The following SLC7A14 variants were observed in gnomAD, a reference collection of about 807,000 sequenced individuals.
The protein encoded by SLC7A14 is solute carrier family 7 member 14.
In SLC7A14, 37 loss-of-function variants were observed where a neutral mutation model predicts 60.2. The ratio of observed to expected loss-of-function variants is 0.61; its 90% CI spans 0.47 to 0.81. The LOEUF (loss-of-function observed/expected upper bound fraction) is 0.81, where lower values mean the gene tolerates loss of function less well. Among genes scored for constraint, SLC7A14 ranks in the 30% least tolerant of loss-of-function variants. SLC7A14 has a pLI of 0.00. For missense variants in SLC7A14, 886 were observed against 982.7 expected (o/e 0.90, Z 1.32); for synonymous variants, 399 against 395.8 (o/e 1.01, Z -0.10).
At chr3:170,528,270 C>A (rs1713570078) in intron 1 of SLC7A14, among the ~76,000 whole-genome samples, 1 of 152,166 alleles carries the variant, frequency 6.6e-6, no homozygotes, top group Admixed American at 6.5e-5. Context: ...GAATTAAGAA[C>A]TACAGTGTTA....
chr3:170,471,090 GGTGTGTGTGT>G (rs113891859), intron 7 of SLC7A14, among the ~76,000 whole-genome samples: 3 of 146,450 alleles, frequency 2.0e-5, no homozygotes, highest in Non-Finnish European at 3.0e-5. Context: ...TCTGGGAAGG[GGTGTGTGTGT>G]GTGTGTGTGT....
chr3:170,555,061 G>A (rs914026556), intron 1 of SLC7A14, among the ~76,000 whole-genome samples: 3 of 151,844 alleles, frequency 2.0e-5, no homozygotes, highest in South Asian at 2.1e-4. Flanking sequence ...CCAGTTACTC[G>A]GGAGGCTCAG....
chr3:170,537,870 G>GTTATCTGCATATAAGA (rs1427584282), intron 1 of SLC7A14, among the ~76,000 whole-genome samples: 15 of 152,174 alleles, frequency 9.9e-5, no homozygotes, highest in Non-Finnish European at 1.8e-4. Flanking sequence ...TGCATATAAT[G>GTTATCTGCATATAAGA]TTATCCCAGG....
chr3:170,517,660 G>A (rs183872525), intron 2 of SLC7A14, among the ~76,000 whole-genome samples: 2 of 152,290 alleles, frequency 1.3e-5, no homozygotes, highest in East Asian at 3.9e-4. Context: ...GGGAGCCTAT[G>A]TTTGAGCTTT....
chr3:170,542,798 T>C (rs1714060779), intron 1 of SLC7A14, among the ~76,000 whole-genome samples: 1 of 152,192 alleles, frequency 6.6e-6, no homozygotes, highest in East Asian at 1.9e-4. Context: ...CGGAAGGACA[T>C]GTCCTTTAGA....
Position 170,480,904 on chromosome 3 carries a change from C to T in SLC7A14, c.1378G>A (p.Glu460Lys). ...CTCACAGGAGAACAAGCTTCCTTCT[C>T]ACAGTCAGCCAGAATGCCCTCCTTC... Reference protein sequence around the residue: ...KKKEGILADCEKEACSPVSEG... With the variant: ...KKKEGILADCKKEACSPVSEG... The change falls in exon 7 of 8, where the codon GAG becomes AAG. Residue 460 changes from glutamate to lysine, a missense_variant. Coordinates refer to ENST00000231706, the MANE Select transcript of SLC7A14 (RefSeq NM_020949.3). 6.2e-7 allele frequency: 1 copy of T among 1,614,062 alleles called. No homozygotes were observed. Among genetic ancestry groups the T allele is most frequent in the Non-Finnish European group, 8.5e-7 (1 of 1,180,028 alleles).
chr3:170,537,324 C>A (rs1045040353), intron 1 of SLC7A14, among the ~76,000 whole-genome samples: 6 of 152,156 alleles, frequency 3.9e-5, no homozygotes, highest in Non-Finnish European at 7.3e-5. Context: ...TCTCTGATCC[C>A]CTGCTCCCCT....
chr3:170,491,471 G>A (rs1038041082), intron 4 of SLC7A14, among the ~76,000 whole-genome samples: 3 of 152,302 alleles, frequency 2.0e-5, no homozygotes, highest in East Asian at 3.9e-4. Flanking sequence ...TATTAATAAC[G>A]CAGATGATTC....
At chr3:170,514,157 C>T (rs560981319) in intron 2 of SLC7A14, among the ~76,000 whole-genome samples, 1 of 152,236 alleles carries the variant, frequency 6.6e-6, no homozygotes, top group Non-Finnish European at 1.5e-5. Flanking sequence ...TGTCTGCAGC[C>T]TCTGTGAACT....
intron 1 of SLC7A14, among the ~76,000 whole-genome samples, chr3:170,538,900 T>C (rs566803889): frequency 9.9e-5 from 15 of 152,214 alleles, no homozygotes; most frequent in South Asian, 2.1e-4. Flanking sequence ...CCATGTTCCT[T>C]TGGGACTCAG....
intron 1 of SLC7A14, among the ~76,000 whole-genome samples, chr3:170,544,298 G>A (rs974359896): frequency 3.3e-5 from 5 of 151,558 alleles, no homozygotes; most frequent in Admixed American, 1.3e-4. Flanking sequence ...CTGAACTCTG[G>A]GTGTCACTCT....
chr3:170,565,184 AG>A (rs1242810403), intron 1 of SLC7A14, among the ~76,000 whole-genome samples: 2 of 152,090 alleles, frequency 1.3e-5, no homozygotes, highest in Non-Finnish European at 2.9e-5. Context: ...CTGGCCTGGC[AG>A]GGGTGGGGTA....
At chr3:170,563,419 T>G (rs879415096) in intron 1 of SLC7A14, among the ~76,000 whole-genome samples, 2 of 54,030 alleles carry the variant, frequency 3.7e-5, no homozygotes, top group South Asian at 4.6e-4. Flanking sequence ...GTTTGTTTGT[T>G]TTTTTTTTTT....
Position 170,501,218 on chromosome 3 carries a change from C to A in SLC7A14, c.432G>T (p.Leu144=). The part of the protein sequence containing the change: ...FIGWNLILEY[L]IGTAAGASAL... ...CACTGGCTCCGGCCGCAGTGCCAAT[C>A]AGGTACTCCAGGATCAGGTTCCAGC... Residue 144 remains leucine (L), a synonymous_variant, in exon 3 of 8, where the codon CTG becomes CTT. Transcript: ENST00000231706. 6.2e-7 allele frequency: 1 copy of A among 1,614,202 alleles called. No individual in the cohort carries two copies. The highest frequency in any genetic ancestry group is 8.5e-7 in the Non-Finnish European group (1 of 1,180,044).
At chr3:170,583,022 A>C (rs1478237628) in intron 1 of SLC7A14, among the ~76,000 whole-genome samples, 1 of 152,226 alleles carries the variant, frequency 6.6e-6, no homozygotes, top group Admixed American at 6.5e-5. Context: ...AGTGCCTCAC[A>C]TATGATAAGC....
intron 1 of SLC7A14, among the ~76,000 whole-genome samples, chr3:170,561,616 G>A (rs1714652704): frequency 6.6e-6 from 1 of 152,208 alleles, no homozygotes; most frequent in Non-Finnish European, 1.5e-5. Flanking sequence ...ACATGGAAAA[G>A]TGGTAAAAAC....
At chr3:170,575,857 T>G (rs763427799) in intron 1 of SLC7A14, among the ~76,000 whole-genome samples, 2 of 152,156 alleles carry the variant, frequency 1.3e-5, no homozygotes, top group Non-Finnish European at 2.9e-5. Context: ...CAAATGATAT[T>G]CCTAAGATAC....
chr3:170,521,077 G>T (rs1182362961), intron 2 of SLC7A14, among the ~76,000 whole-genome samples: 5 of 152,174 alleles, frequency 3.3e-5, no homozygotes, highest in African/African-American at 1.2e-4. Context: ...TCTGGTTGTG[G>T]CCTACTGAGC....
intron 7 of SLC7A14, among the ~76,000 whole-genome samples, chr3:170,470,244 T>A (rs1056105376): frequency 6.6e-6 from 1 of 151,418 alleles, no homozygotes; most frequent in African/African-American, 2.4e-5. Context: ...CTATGCCCAC[T>A]GCAGTAAACA....
Sources: allele counts gnomAD v4.1 joint callset (sites outside exome capture counted in the v4.1 genomes callset), GRCh38; gene constraint gnomAD v4.1.1; transcripts MANE v1.5; gene names NCBI Gene and HGNC (gene_info 2026-07-23, HGNC 2026-07-21).